The following MAZ variants were observed in gnomAD, a reference collection of about 807,000 sequenced individuals.
MAZ encodes the protein MYC associated zinc finger protein.
Under a neutral mutation model 32.7 loss-of-function variants are expected in MAZ, and 4 were observed. That is an observed-to-expected ratio of 0.12 (90% CI 0.06 to 0.28). MAZ has a LOEUF of 0.28. Ranked by LOEUF, MAZ falls within the 10% of genes least tolerant of loss-of-function variation. MAZ has a pLI of 1.00. For missense variants in MAZ, 763 were observed against 667.2 expected, an observed-to-expected ratio of 1.14 and a Z score of -1.58; for synonymous variants, 510 against 297.6, an observed-to-expected ratio of 1.71 and a Z score of -7.35.
chr16:29,809,227 C>G (rs890269907), intron 4 of MAZ: 4 of 518,300 alleles, frequency 7.7e-6, no homozygotes, highest in Admixed American at 3.7e-5. Context: ...ACACAGCCGT[C>G]TCTGCTGAGG....
chr16:29,808,349 C>T (rs376073053), intron 3 of MAZ, 56 bp downstream of exon 3: 36 of 1,532,404 alleles, frequency 2.3e-5, no homozygotes, highest in East Asian at 2.3e-4. Flanking sequence ...CTCATGGTAG[C>T]TGTCTGAGTC....
chr16:29,809,952 T>G (rs1166271401), intron 4 of MAZ, 125 bp from the exon 5 acceptor site: 18 of 1,470,344 alleles, frequency 1.2e-5, no homozygotes, highest in Non-Finnish European at 1.5e-5. Context: ...CTGAGGCCTC[T>G]GGGGTCCAGA....
chr16:29,810,718 C>G lies in MAZ; in HGVS notation c.*487C>G. On this transcript the variant is annotated 3_prime_UTR_variant, in exon 5 of 5. Coordinates refer to ENST00000322945, the MANE Select transcript of MAZ (RefSeq NM_002383.4). ...GAGGAAGGAGGGGGATCAGAGCTGT[C>G]CCAAAGAGGGAAAGCGGTGAGGTTT... The G allele has an allele frequency of 2.3e-6, 1 of 429,062 alleles. No individual in the cohort carries two copies. The highest frequency in any genetic ancestry group is 4.3e-6 in the Non-Finnish European group (1 of 231,164). 26.6% of individuals were successfully genotyped at this position (429,062 alleles called of 1,614,324 possible). A position where few individuals can be genotyped will look rare whatever the true frequency, so the allele number is the denominator to read the frequency against.
chr16:29,809,796 T>TG (rs1219412229), intron 4 of MAZ: 19 of 1,126,514 alleles, frequency 1.7e-5, no homozygotes, highest in East Asian at 2.6e-5. Context: ...GGGGGCGGGA[T>TG]GGGGGGTGTG....
Position 29,806,827 on chromosome 16 carries a change from G to A in MAZ, c.126G>A (p.Leu42=). 1.4e-6 allele frequency: 2 copies of A among 1,447,174 alleles called. No individual in the cohort carries two copies. Among genetic ancestry groups the A allele is most frequent in the South Asian group, 1.3e-5 (1 of 76,662 alleles). 89.6% of individuals were successfully genotyped at this position (1,447,174 alleles called of 1,614,324 possible). The stretch of plus-strand genomic sequence containing the variant: ...CTCAGGGTCACGCCCAGAACCCCCT[G>A]CAGGTCGGGGCTGAGCTCCAGTCCC... The part of the protein sequence containing the change: ...PPPQGHAQNP[L]QVGAELQSRF... Residue 42 remains leucine, a synonymous_variant, in exon 1 of 5, where the codon CTG becomes CTA. Transcript: ENST00000322945.
intron 4 of MAZ, 27 bp from the exon 5 acceptor site, chr16:29,810,050 G>A: frequency 1.9e-6 from 3 of 1,591,280 alleles, no homozygotes; most frequent in Non-Finnish European, 2.6e-6. Context: ...AGATCGCGCT[G>A]TGATCCGTGG....
intron 4 of MAZ, chr16:29,809,504 C>G: frequency 7.3e-7 from 1 of 1,372,618 alleles, no homozygotes; most frequent in Non-Finnish European, 1.0e-6. Flanking sequence ...CTCCGCCTGG[C>G]TGACCCCCGC....
Position 29,807,354 on chromosome 16 carries a change from A to T in MAZ, c.569A>T (p.Tyr190Phe), listed in dbSNP as rs757601096. 2.5e-6 allele frequency: 4 copies of T among 1,611,946 alleles called. No homozygotes were observed. In the East Asian group the frequency reaches 8.9e-5, roughly 36 times the overall value. ...AAGAAGACAAAGAGCAAGGGGCCCT[A>T]CATCTGCGCTCTGTGCGCCAAGGAG... ...LEKKTKSKGP[Y>F]ICALCAKEFK... The change falls in exon 2 of 5, where the codon TAC becomes TTC. Residue 190 changes from tyrosine (Y) to phenylalanine (F), a missense_variant. Coordinates refer to ENST00000322945, the MANE Select transcript of MAZ (RefSeq NM_002383.4).
At chr16:29,808,001 C>G (rs908202364) in intron 2 of MAZ, 173 bp downstream of exon 2, 1 of 1,289,978 alleles carries the variant, frequency 7.8e-7, no homozygotes, top group Non-Finnish European at 1.0e-6. Context: ...AGGGGTGGTC[C>G]TTTGTCGAGG....
At position 29,808,169 on chromosome 16, in the gene MAZ, C is replaced by T. The variant is rs1899654767; in HGVS notation, c.1044-61C>T. On this transcript the variant is annotated intron_variant, in intron 2 of 4. Coordinates refer to ENST00000322945, the MANE Select transcript of MAZ (RefSeq NM_002383.4). ...GGGATCCTCGGAAAGGCCTGTGGTGCGGTTTGGTGGATTTGGGGCGCACCA... is the reference window on the plus strand; with the variant it reads ...GGGATCCTCGGAAAGGCCTGTGGTGTGGTTTGGTGGATTTGGGGCGCACCA... 6.3e-6 allele frequency: 9 copies of T among 1,418,084 alleles called. 1 individual carries two copies. Among genetic ancestry groups the T allele is most frequent in the Admixed American group, 3.4e-5 (2 of 59,558 alleles). 87.8% of individuals were successfully genotyped at this position (1,418,084 alleles called of 1,614,324 possible). A position where few individuals can be genotyped will look rare whatever the true frequency, so the allele number is the denominator to read the frequency against.
In MAZ at chr16:29,807,540, G is replaced by C. The variant is rs751794760; in HGVS notation, c.755G>C (p.Gly252Ala). 6.2e-7 allele frequency: 1 copy of C among 1,602,314 alleles called. No homozygotes were observed. Among genetic ancestry groups the C allele is most frequent in the African/African-American group, 1.3e-5 (1 of 74,712 alleles). The change falls in exon 2 of 5, where the codon GGT becomes GCT. Residue 252 changes from glycine to alanine, a missense_variant. Coordinates refer to ENST00000322945, the MANE Select transcript of MAZ (RefSeq NM_002383.4). ...GCCGGCGGGGGAGGGGGAGAGGCGG[G>C]TGCCGGCGGCGGCGCTGCCGCAGTG... is the stretch of plus-strand genomic sequence containing the variant. ...SGAGGGGGEA[G>A]AGGGAAAVAA...
chr16:29,807,969 C>T lies in MAZ; in HGVS notation c.1043+141C>T, dbSNP rs560094139. 1.1e-5 allele frequency: 15 copies of T among 1,424,732 alleles called. No individual in the cohort carries two copies. In the African/African-American group the frequency reaches 1.1e-4, roughly 11 times the overall value. 88.3% of individuals were successfully genotyped at this position (1,424,732 alleles called of 1,614,324 possible). The stretch of plus-strand genomic sequence containing the variant: ...CACTCCCAGGGCGGAGGGAGGAAGC[C>T]TCTCCCGGTTACCAGGGAGCAAGGG... On this transcript the variant is annotated intron_variant, in intron 2 of 4. Transcript: ENST00000322945.
Position 29,810,616 on chromosome 16 carries a change from C to T in MAZ, c.*385C>T. 4.6e-6 allele frequency: 3 copies of T among 646,716 alleles called. No homozygotes were observed. Among genetic ancestry groups the T allele is most frequent in the South Asian group, 1.6e-5 (1 of 61,158 alleles). 40.1% of individuals were successfully genotyped at this position (646,716 alleles called of 1,614,324 possible). On this transcript the variant is annotated 3_prime_UTR_variant, in exon 5 of 5. Coordinates refer to ENST00000322945, the MANE Select transcript of MAZ (RefSeq NM_002383.4). ...CTCTTCTCTCCTTCCAGTCCTCTCCCCCTGCTGTCTGCAGCCCCTCCCCGG... is the reference window on the plus strand; with the variant it reads ...CTCTTCTCTCCTTCCAGTCCTCTCCTCCTGCTGTCTGCAGCCCCTCCCCGG...
rs1314566596 is a variant in MAZ, at chr16:29,807,433, G to A, written c.648G>A (p.Lys216=). ...ACGAAGCCATCCACACGGGAGCCAA[G>A]GCCGGCCGGGTCCCCTCGGGTGCTA... The part of the protein sequence containing the change: ...RRHEAIHTGA[K]AGRVPSGAMK... Residue 216 remains lysine, a synonymous_variant, in exon 2 of 5, where the codon AAG becomes AAA. Coordinates refer to ENST00000322945, the MANE Select transcript of MAZ (RefSeq NM_002383.4). The A allele has an allele frequency of 1.9e-6, 3 of 1,612,462 alleles. No homozygotes were observed. Among genetic ancestry groups the A allele is most frequent in the Admixed American group, 1.7e-5 (1 of 60,012 alleles).
At position 29,806,624 on chromosome 16, in the gene MAZ, G is replaced by T; in HGVS notation, c.-78G>T. The T allele has an allele frequency of 1.0e-6, 1 of 965,002 alleles. No homozygotes were observed. Among genetic ancestry groups the T allele is most frequent in the Non-Finnish European group, 1.2e-6 (1 of 817,252 alleles). The allele number at this position is 965,002 out of a possible 1,614,324, so 59.8% of individuals were successfully genotyped here. ...GGCCCAGCCCGGCCGGCCGGGGGCG[G>T]CGCCCCGAGCCCGGGCCCCGCGCGG... On this transcript the variant is annotated 5_prime_UTR_variant, in exon 1 of 5. Coordinates refer to ENST00000322945, the MANE Select transcript of MAZ (RefSeq NM_002383.4).
Position 29,810,263 on chromosome 16 carries a change from A to G in MAZ, c.*32A>G. ...AGTTGGTTGCGGGGGAGAGGGGAGA[A>G]TGGAGTAGAGTCCCTTGGTACAAGC... On this transcript the variant is annotated 3_prime_UTR_variant, in exon 5 of 5. Coordinates refer to ENST00000322945, the MANE Select transcript of MAZ (RefSeq NM_002383.4). 2 of 1,553,322 alleles carry G rather than the reference A, an allele frequency of 1.3e-6. No homozygotes were observed. The highest frequency in any genetic ancestry group is 4.8e-5 in the East Asian group (2 of 41,622).
At position 29,807,528 on chromosome 16, in the gene MAZ, G is replaced by GGGGAGA. The variant is rs1206126128; in HGVS notation, c.746_751dup (p.Gly249_Glu250dup). The stretch of plus-strand genomic sequence containing the variant: ...CAGCTGAGCGGAGCCGGCGGGGGAG[G>GGGGAGA]GGGAGAGGCGGGTGCCGGCGGCGGC... On this transcript the variant is annotated inframe_insertion, in exon 2 of 5. Transcript: ENST00000322945. 1.2e-6 allele frequency: 2 copies of GGGGAGA among 1,604,292 alleles called. No individual in the cohort carries two copies. The highest frequency in any genetic ancestry group is 1.7e-6 in the Non-Finnish European group (2 of 1,176,868).
intron 4 of MAZ, chr16:29,809,630 G>GC: frequency 6.2e-7 from 1 of 1,609,454 alleles, no homozygotes; most frequent in Non-Finnish European, 8.5e-7. Flanking sequence ...TGCAAGCTGT[G>GC]CAGCGTGCAC....
intron 4 of MAZ, chr16:29,809,716 GCC>G: frequency 6.8e-7 from 1 of 1,470,408 alleles, no homozygotes. Context: ...CCCGGGAGAC[GCC>G]CCCCAGCCAC....
Sources: allele counts gnomAD v4.1 joint callset, GRCh38; gene constraint gnomAD v4.1.1; transcripts MANE v1.5; gene names NCBI Gene and HGNC (gene_info 2026-07-23, HGNC 2026-07-21).